Variants in SPIRE1 observed in about 807,000 individuals in gnomAD.
SPIRE1 encodes spire type actin nucleation factor 1.
In SPIRE1, 40 loss-of-function variants were observed where a neutral mutation model predicts 94.1. The ratio of observed to expected loss-of-function variants is 0.43; its 90% CI spans 0.33 to 0.55. The LOEUF is 0.55. Ranked by LOEUF, SPIRE1 falls within the 20% of genes least tolerant of loss-of-function variation. SPIRE1 has a pLI of 0.06. For synonymous variants in SPIRE1, 376 were observed against 371.7 expected (o/e 1.01, Z -0.13); for missense variants, 838 against 975.2 (o/e 0.86, Z 1.87).
chr18:12,598,420 CTAACA>C (rs1285547348), intron 2 of SPIRE1, among the ~76,000 whole-genome samples: 3 of 151,980 alleles, frequency 2.0e-5, no homozygotes, highest in Non-Finnish European at 4.4e-5. Context: ...AGTATCTGTC[CTAACA>C]TATTTTTAGC....
chr18:12,640,355 TTC>T (rs1246064437), intron 1 of SPIRE1, among the ~76,000 whole-genome samples: 6 of 152,296 alleles, frequency 3.9e-5, no homozygotes, highest in African/African-American at 1.2e-4. Flanking sequence ...TGAAATTATG[TTC>T]TTTTTCATGC....
intron 6 of SPIRE1, among the ~76,000 whole-genome samples, chr18:12,502,332 C>A (rs2033692292): frequency 6.6e-6 from 1 of 152,030 alleles, no homozygotes; most frequent in Non-Finnish European, 1.5e-5. Flanking sequence ...AATGATAAAT[C>A]AAATAGAAAT....
intron 1 of SPIRE1, among the ~76,000 whole-genome samples, chr18:12,645,700 C>T (rs1483026091): frequency 3.9e-5 from 6 of 152,158 alleles, no homozygotes; most frequent in Non-Finnish European, 8.8e-5. Flanking sequence ...TTCAATACAT[C>T]TACAAAGCCC....
intron 8 of SPIRE1, among the ~76,000 whole-genome samples, chr18:12,487,991 A>G (rs934346123): frequency 1.1e-4 from 17 of 152,184 alleles, no homozygotes; most frequent in Admixed American, 1.1e-3. Flanking sequence ...AGGATTGTTC[A>G]GAAACCAGCA....
intron 9 of SPIRE1, among the ~76,000 whole-genome samples, chr18:12,480,939 C>G (rs1244860344): frequency 6.6e-6 from 1 of 152,148 alleles, no homozygotes; most frequent in Non-Finnish European, 1.5e-5. Flanking sequence ...TGTGAGGCTG[C>G]CGTAGATGGG....
intron 3 of SPIRE1, among the ~76,000 whole-genome samples, chr18:12,544,659 G>A (rs2035108885): frequency 6.6e-6 from 1 of 151,964 alleles, no homozygotes; most frequent in Non-Finnish European, 1.5e-5. Flanking sequence ...ACCTGTCCTC[G>A]TAAGCACCCT....
intron 8 of SPIRE1, 54 bp downstream of exon 8, chr18:12,493,018 G>C: frequency 6.5e-7 from 1 of 1,540,306 alleles, no homozygotes; most frequent in Non-Finnish European, 8.7e-7. Flanking sequence ...GGTGTATAAA[G>C]ATCCTTTTCC....
chr18:12,519,838 A>C (rs1314124156), intron 4 of SPIRE1, among the ~76,000 whole-genome samples: 1 of 152,252 alleles, frequency 6.6e-6, no homozygotes, highest in East Asian at 1.9e-4. Flanking sequence ...TGCTAAGGAC[A>C]GTATCAACTA....
At chr18:12,644,250 A>C (rs1444854052) in intron 1 of SPIRE1, among the ~76,000 whole-genome samples, 1 of 151,402 alleles carries the variant, frequency 6.6e-6, no homozygotes, top group African/African-American at 2.4e-5. Context: ...CATTAATTTA[A>C]GGAACTTAAC....
At chr18:12,602,961 T>A (rs188511426) in intron 2 of SPIRE1, among the ~76,000 whole-genome samples, 29 of 152,352 alleles carry the variant, frequency 1.9e-4, no homozygotes, top group African/African-American at 6.5e-4. Flanking sequence ...AGTATACAGA[T>A]GCTGCTTGAC....
chr18:12,509,683 C>T (rs780800931), intron 5 of SPIRE1, among the ~76,000 whole-genome samples: 1 of 152,038 alleles, frequency 6.6e-6, no homozygotes, highest in Non-Finnish European at 1.5e-5. Context: ...AGATAAACTG[C>T]GATATATTCA....
intron 14 of SPIRE1, 43 bp downstream of exon 14, chr18:12,453,025 C>T (rs146713222): frequency 2.0e-5 from 25 of 1,279,364 alleles, no homozygotes; most frequent in South Asian, 1.4e-4. Flanking sequence ...ATTTCTCTTA[C>T]GACTGTTAAA....
chr18:12,589,580 T>C (rs1271006802), intron 2 of SPIRE1, among the ~76,000 whole-genome samples: 1 of 152,206 alleles, frequency 6.6e-6, no homozygotes, highest in Non-Finnish European at 1.5e-5. Context: ...AAAGGTGCTC[T>C]TAGGTAGAAC....
intron 4 of SPIRE1, among the ~76,000 whole-genome samples, chr18:12,533,851 T>C (rs1450843114): frequency 6.6e-6 from 1 of 152,060 alleles, no homozygotes; most frequent in Non-Finnish European, 1.5e-5. Context: ...TAGTTGAGGA[T>C]GTGCCTTTGG....
At chr18:12,599,137 T>C (rs1345438082) in intron 2 of SPIRE1, among the ~76,000 whole-genome samples, 2 of 152,210 alleles carry the variant, frequency 1.3e-5, no homozygotes, top group Non-Finnish European at 2.9e-5. Flanking sequence ...ATTATAAAAA[T>C]AAGAAATTTA....
intron 3 of SPIRE1, among the ~76,000 whole-genome samples, chr18:12,537,497 A>G (rs116047516): frequency 1.5e-3 from 225 of 152,350 alleles, no homozygotes; most frequent in African/African-American, 5.2e-3. Context: ...AAACTTGCAC[A>G]TTCAATTGAA....
intron 12 of SPIRE1, among the ~76,000 whole-genome samples, chr18:12,458,949 G>A (rs1011944706): frequency 6.6e-6 from 1 of 152,126 alleles, no homozygotes; most frequent in Non-Finnish European, 1.5e-5. Context: ...AACCAGCTGC[G>A]GGGTCATCTG....
intron 9 of SPIRE1, among the ~76,000 whole-genome samples, chr18:12,480,668 CGGCAAGT>C (rs748255748): frequency 1.1e-4 from 16 of 152,118 alleles, no homozygotes; most frequent in Non-Finnish European, 1.9e-4. Context: ...CAGATGGATT[CGGCAAGT>C]GGCACCATGG....
intron 8 of SPIRE1, among the ~76,000 whole-genome samples, chr18:12,489,746 G>A (rs2033165866): frequency 6.6e-6 from 1 of 152,166 alleles, no homozygotes; most frequent in African/African-American, 2.4e-5. Context: ...ATAGGAAGAT[G>A]GTCATGCCAA....
Sources: gnomAD v4.1 joint callset for allele counts (sites outside exome capture counted in the v4.1 genomes callset) on GRCh38, gnomAD v4.1.1 for gene constraint, MANE v1.5 for transcripts, NCBI Gene and HGNC (gene_info 2026-07-23, HGNC 2026-07-21) for gene names.